HERC1: variants seen among roughly 807,000 people sequenced by gnomAD.
The protein encoded by HERC1 is HECT and RLD domain containing E3 ubiquitin protein ligase family member 1.
HERC1 carries 160 observed loss-of-function variants against 554.3 expected under a neutral mutation model. The observed-to-expected ratio is 0.29, with a 90% CI of 0.25 to 0.33. HERC1 has a LOEUF of 0.33. Ranked by LOEUF, HERC1 falls within the 10% of genes least tolerant of loss-of-function variation. HERC1 has a pLI of 1.00. For missense variants in HERC1, 4,919 were observed against 5,918.5 expected (o/e 0.83, Z 5.54); for synonymous variants, 2,175 against 2,131.7 (o/e 1.02, Z -0.56).
At chr15:63,696,601 ACT>A (rs1002754195) in intron 26 of HERC1, among the ~76,000 whole-genome samples, 4 of 152,030 alleles carry the variant, frequency 2.6e-5, no homozygotes, top group Non-Finnish European at 5.9e-5. Flanking sequence ...TCAAGGACAG[ACT>A]CTTTTATCTT....
In HERC1 at chr15:63,648,210, CA is replaced by C. The variant is rs1347011129; in HGVS notation, c.10748-12del. The stretch of plus-strand genomic sequence containing the variant: ...TGCAAGTAACAGACACTAACATGAT[CA>C]AAACAAAAGAGTAAGGAAAAGATAA... On this transcript the variant is annotated splice_polypyrimidine_tract_variant and intron_variant, in intron 54 of 77. Transcript: ENST00000443617. 3.1e-5 allele frequency: 49 copies of C among 1,597,510 alleles called. No homozygotes were observed. Among genetic ancestry groups the C allele is most frequent in the Non-Finnish European group, 4.2e-5 (49 of 1,170,778 alleles).
At chr15:63,816,451 G>C (rs370758973) in intron 1 of HERC1, among the ~76,000 whole-genome samples, 2 of 152,274 alleles carry the variant, frequency 1.3e-5, no homozygotes, top group African/African-American at 4.8e-5. Flanking sequence ...TTCATGCTGA[G>C]AAATCTGGCT....
At chr15:63,636,175 T>G in intron 64 of HERC1, 33 bp from the exon 65 acceptor site, 1 of 1,595,824 alleles carries the variant, frequency 6.3e-7, no homozygotes, top group Non-Finnish European at 8.6e-7. Flanking sequence ...CAGGAGTCAC[T>G]GGATGTTAAA....
In HERC1 at chr15:63,661,804, C is replaced by T; in HGVS notation, c.9119G>A (p.Arg3040Lys). 6.2e-7 allele frequency: 1 copy of T among 1,614,026 alleles called. No homozygotes were observed. Among genetic ancestry groups the T allele is most frequent in the Non-Finnish European group, 8.5e-7 (1 of 1,179,886 alleles). The change falls in exon 45 of 78, where the codon AGG becomes AAG. Residue 3040 changes from arginine (R) to lysine (K), a missense_variant. Arg to Lys is a conservative substitution (Grantham distance 26, BLOSUM62 2). Coordinates refer to ENST00000443617, the MANE Select transcript of HERC1 (RefSeq NM_003922.4). ...NPYYLLCGTCREKYLAMKTKS... is the reference protein window; with the variant it reads ...NPYYLLCGTCKEKYLAMKTKS... ...GGTCTTCATGGCTAAGTACTTCTCC[C>T]TGCAGGTGCCACATAACAGGTAGTA...
At chr15:63,744,832 T>C (rs954929263) in intron 12 of HERC1, among the ~76,000 whole-genome samples, 3 of 152,122 alleles carry the variant, frequency 2.0e-5, no homozygotes, top group Middle Eastern at 3.2e-3. Context: ...AAGAGTGTAT[T>C]TGGTACTCTG....
chr15:63,802,737 T>C (rs1317552336), intron 1 of HERC1, among the ~76,000 whole-genome samples: 1 of 152,218 alleles, frequency 6.6e-6, no homozygotes, highest in African/African-American at 2.4e-5. Flanking sequence ...ACAACTATCT[T>C]TCTAAAACTG....
chr15:63,663,850 T>C (rs920321718), intron 43 of HERC1, among the ~76,000 whole-genome samples: 3 of 152,258 alleles, frequency 2.0e-5, no homozygotes, highest in Admixed American at 6.5e-5. Flanking sequence ...ATATGAGAAA[T>C]ATACAGTTCT....
At chr15:63,704,866 A>G (rs895516929) in intron 25 of HERC1, among the ~76,000 whole-genome samples, 5 of 150,766 alleles carry the variant, frequency 3.3e-5, no homozygotes, top group Non-Finnish European at 7.4e-5. Context: ...AGCCTCCCGA[A>G]TAGCCAGGAC....
intron 63 of HERC1, among the ~76,000 whole-genome samples, 179 bp from the exon 64 acceptor site, chr15:63,637,822 C>T (rs950401199): frequency 2.6e-5 from 4 of 151,946 alleles, no homozygotes; most frequent in African/African-American, 7.3e-5. Flanking sequence ...TATAAAACTG[C>T]TTATTTAACC....
chr15:63,680,251 T>C lies in HERC1; in HGVS notation c.6466-91A>G, dbSNP rs537923571. Reference sequence around the variant, plus strand: ...ACCACATTAGAATTGAAAGCTTTTATGAGACAGAACAAAAGTTACTAGATC... The same window carrying C: ...ACCACATTAGAATTGAAAGCTTTTACGAGACAGAACAAAAGTTACTAGATC... On this transcript the variant is annotated intron_variant, in intron 35 of 77. Transcript: ENST00000443617. The surrounding 1 kb of genome is among the most constrained non-coding windows in gnomAD (Gnocchi z 5.8). 8.1e-4 allele frequency: 820 copies of C among 1,007,522 alleles called. 1 individual carries two copies. Among genetic ancestry groups the C allele is most frequent in the Non-Finnish European group, 1.1e-3 (734 of 673,798 alleles). 62.4% of individuals were successfully genotyped at this position (1,007,522 alleles called of 1,614,324 possible).
At chr15:63,652,256 T>A (rs1347540301) in intron 52 of HERC1, among the ~76,000 whole-genome samples, 158 bp downstream of exon 52, 1 of 152,210 alleles carries the variant, frequency 6.6e-6, no homozygotes, top group East Asian at 1.9e-4. Flanking sequence ...ATTGTTATCC[T>A]GGAAAGTTAA....
chr15:63,759,729 T>A (rs1032135852), intron 3 of HERC1, among the ~76,000 whole-genome samples: 1 of 152,224 alleles, frequency 6.6e-6, no homozygotes, highest in African/African-American at 2.4e-5. Context: ...TGCCTTTTAG[T>A]TTTTTGGTTT....
intron 1 of HERC1, among the ~76,000 whole-genome samples, chr15:63,781,272 T>C (rs1018666877): frequency 2.6e-5 from 4 of 152,260 alleles, no homozygotes; most frequent in African/African-American, 9.6e-5. Context: ...TTGACTTTAC[T>C]GTGCTGTACA....
At chr15:63,654,091 T>G in intron 51 of HERC1, 28 bp downstream of exon 51, 1 of 1,552,048 alleles carries the variant, frequency 6.4e-7, no homozygotes, top group Non-Finnish European at 8.9e-7. Flanking sequence ...ATAACGTGAT[T>G]AACACACTTT....
At chr15:63,720,118 T>TTTTTTTTTTTTTTTTTTTTTTTTTA (rs2073753039) in intron 19 of HERC1, among the ~76,000 whole-genome samples, 1 of 8,350 alleles carries the variant, frequency 1.2e-4, no homozygotes. Context: ...TTTTTTTTTT[T>TTTTTTTTTTTTTTTTTTTTTTTTTA]AAGAGACAGG....
chr15:63,662,494 AAC>A (rs1417215417), intron 44 of HERC1, among the ~76,000 whole-genome samples: 1 of 152,244 alleles, frequency 6.6e-6, no homozygotes, highest in Non-Finnish European at 1.5e-5. Flanking sequence ...ATGTAATGCT[AAC>A]CAATGTATAT....
rs373459995 is a variant in HERC1, at chr15:63,680,582, C to T, written c.6420G>A (p.Val2140=). The change falls in exon 35 of 78, where the codon GTG becomes GTA. Residue 2140 remains valine, a synonymous_variant. Coordinates refer to ENST00000443617, the MANE Select transcript of HERC1 (RefSeq NM_003922.4). The surrounding 1 kb of genome is among the most constrained non-coding windows in gnomAD (Gnocchi z 5.8). Reference sequence around the variant, plus strand: ...AAATGGTCCTGGCTTCCATGTCTAACACACAGGTAATGAAATCTCCTTGAG... The same window carrying T: ...AAATGGTCCTGGCTTCCATGTCTAATACACAGGTAATGAAATCTCCTTGAG... ...SFTQGDFITC[V]LDMEARTISF... is the part of the protein sequence containing the mutation. 1.4e-4 allele frequency: 220 copies of T among 1,613,740 alleles called. 1 individual carries two copies. The African/African-American group carries it at 2.7e-3, about 20-fold the overall frequency.
intron 1 of HERC1, among the ~76,000 whole-genome samples, chr15:63,833,253 T>G (rs1330508737): frequency 2.0e-5 from 3 of 152,126 alleles, no homozygotes; most frequent in Non-Finnish European, 4.4e-5. Flanking sequence ...GCGGGAGATT[T>G]GGAGAAAGGT....
intron 42 of HERC1, among the ~76,000 whole-genome samples, chr15:63,665,485 A>G (rs996997895): frequency 3.3e-5 from 5 of 152,138 alleles, no homozygotes; most frequent in African/African-American, 9.7e-5. Flanking sequence ...CAGTGAGCCG[A>G]TATCGCGCCA....
Sources: gnomAD v4.1 joint callset for allele counts (sites outside exome capture counted in the v4.1 genomes callset) on GRCh38, gnomAD v4.1.1 for gene constraint, Gnocchi (gnomAD v3.1) non-coding constraint, MANE v1.5 for transcripts, NCBI Gene and HGNC (gene_info 2026-07-23, HGNC 2026-07-21) for gene names.